The following PTCSC3 variants were observed in gnomAD, a reference collection of about 807,000 sequenced individuals.
PTCSC3 encodes the protein papillary thyroid carcinoma susceptibility candidate 3 (non-protein coding).
At chr14:36,145,547 CTCTT>C (rs1197345882) in intron 3 of PTCSC3, among the ~76,000 whole-genome samples, 2 of 143,250 alleles carry the variant, frequency 1.4e-5, no homozygotes, top group Non-Finnish European at 3.0e-5. Context: ...TGATTCTTCT[CTCTT>C]TTTTTCTTTA....
chr14:36,162,282 A>ACAAAAAAAAAAAC lies in PTCSC3; in HGVS notation n.231+341_231+342insGTTTTTTTTTTTG, dbSNP rs1243131267. Among the ~76,000 whole-genome samples, 7 of 128,036 alleles carry ACAAAAAAAAAAAC rather than the reference A, an allele frequency of 5.5e-5. No homozygotes were observed. In the South Asian group the frequency reaches 1.6e-3, roughly 29 times the overall value. 84.0% of individuals were successfully genotyped at this position (128,036 alleles called of 152,430 possible). Reference sequence around the variant, plus strand: ...GGAAAAAAAAAAAAAAAAAAAAAAAAAAACTCCTGCAGCCAGCTCAGTGTC... The same window carrying ACAAAAAAAAAAAC: ...GGAAAAAAAAAAAAAAAAAAAAAAAACAAAAAAAAAAACAAACTCCTGCAGCCAGCTCAGTGTC... On this transcript the variant is annotated intron_variant and non_coding_transcript_variant, in intron 2 of 3. Coordinates refer to ENST00000556013, the Ensembl canonical transcript of PTCSC3.
At chr14:36,148,553 GC>G (rs1191766118) in intron 3 of PTCSC3, among the ~76,000 whole-genome samples, 4 of 152,178 alleles carry the variant, frequency 2.6e-5, no homozygotes, top group Non-Finnish European at 1.5e-5. Context: ...ACTGACCTGT[GC>G]CCACTGTCTG....
Position 36,166,105 on chromosome 14 carries a change from A to G in PTCSC3, n.172-3422T>C, listed in dbSNP as rs115155903. Among the ~76,000 whole-genome samples, 380 of 152,214 alleles carry G rather than the reference A, an allele frequency of 2.5e-3. 1 individual carries two copies. The highest frequency in any genetic ancestry group is 8.7e-3 in the African/African-American group (362 of 41,484). On this transcript the variant is annotated intron_variant and non_coding_transcript_variant, in intron 1 of 3. Coordinates refer to ENST00000556013, the Ensembl canonical transcript of PTCSC3. The stretch of plus-strand genomic sequence containing the variant: ...TCAGCCAGGATTAATGATCAGTTCA[A>G]AAGTCTTCATATTGTTTTGTCCATC...
chr14:36,135,871 A>ATGTG (rs1485680056), downstream of PTCSC3, among the ~76,000 whole-genome samples: 8 of 151,030 alleles, frequency 5.3e-5, no homozygotes, highest in African/African-American at 1.9e-4. Context: ...AGATATATAT[A>ATGTG]TATATGTGTG....
At chr14:36,144,172 G>A (rs933560693) in intron 3 of PTCSC3, among the ~76,000 whole-genome samples, 1 of 151,796 alleles carries the variant, frequency 6.6e-6, no homozygotes, top group African/African-American at 2.4e-5. Flanking sequence ...GAACTTTAAA[G>A]TAGTTTTTTC....
At chr14:36,173,353 C>T (rs1882222953) in intron 1 of PTCSC3, among the ~76,000 whole-genome samples, 1 of 152,098 alleles carries the variant, frequency 6.6e-6, no homozygotes, top group Non-Finnish European at 1.5e-5. Context: ...AGGCAATCAA[C>T]ACTGTAACTC....
At chr14:36,150,752 C>T (rs895338165) in intron 3 of PTCSC3, among the ~76,000 whole-genome samples, 3 of 152,108 alleles carry the variant, frequency 2.0e-5, no homozygotes, top group African/African-American at 4.8e-5. Context: ...TCTAAGTTCA[C>T]TATCAAATAA....
intron 3 of PTCSC3, among the ~76,000 whole-genome samples, chr14:36,150,282 T>TATTATAAA (rs1881691520): frequency 1.3e-5 from 2 of 152,166 alleles, no homozygotes; most frequent in Non-Finnish European, 2.9e-5. Context: ...AGAGCCCTCA[T>TATTATAAA]GAATGGTATT....
chr14:36,147,371 C>CT (rs1371414607), intron 3 of PTCSC3, among the ~76,000 whole-genome samples: 1 of 152,038 alleles, frequency 6.6e-6, no homozygotes, highest in African/African-American at 2.4e-5. Context: ...TCTTTTTATT[C>CT]TTTTTTCTCT....
chr14:36,150,265 T>A (rs564967244), intron 3 of PTCSC3, among the ~76,000 whole-genome samples: 73 of 152,292 alleles, frequency 4.8e-4, no homozygotes, highest in African/African-American at 1.7e-3. Context: ...TGTTGAGTTA[T>A]GAGGGTAGAG....
At chr14:36,139,227 G>A (rs1247432191) in intron 3 of PTCSC3, among the ~76,000 whole-genome samples, 1 of 151,582 alleles carries the variant, frequency 6.6e-6, no homozygotes, top group Non-Finnish European at 1.5e-5. Flanking sequence ...AACAATTGAA[G>A]GTAATTGTGG....
At chr14:36,167,443 A>G (rs1882111162) in intron 1 of PTCSC3, among the ~76,000 whole-genome samples, 1 of 152,192 alleles carries the variant, frequency 6.6e-6, no homozygotes, top group African/African-American at 2.4e-5. Flanking sequence ...AATTTTATTT[A>G]CAAAGAAGAC....
intron 2 of PTCSC3, among the ~76,000 whole-genome samples, chr14:36,160,646 G>GC (rs35354335): frequency 0.61 from 93,102 of 151,744 alleles, 29,410 homozygotes; most frequent in Middle Eastern, 0.69. Flanking sequence ...CTCTCTGGCT[G>GC]CCTTAAGATT....
At chr14:36,163,900 G>T (rs998751501) in intron 1 of PTCSC3, among the ~76,000 whole-genome samples, 3 of 152,166 alleles carry the variant, frequency 2.0e-5, no homozygotes, top group African/African-American at 7.2e-5. Context: ...CCTATAGTCA[G>T]ACATGACCTC....
intron 2 of PTCSC3, among the ~76,000 whole-genome samples, chr14:36,160,306 A>C (rs919011351): frequency 1.3e-5 from 2 of 152,176 alleles, no homozygotes; most frequent in Non-Finnish European, 2.9e-5. Context: ...TAATTGATGC[A>C]GTTTCTTCAT....
rs368544629 is a variant in PTCSC3, at chr14:36,164,615, G to A, written n.172-1932C>T. On this transcript the variant is annotated intron_variant and non_coding_transcript_variant, in intron 1 of 3. Coordinates refer to ENST00000556013, the Ensembl canonical transcript of PTCSC3. The stretch of plus-strand genomic sequence containing the variant: ...TTTATTTTTTATAAAACAACTATCC[G>A]TACTTGGACATTTACAGATTCTCAG... 7.9e-5 allele frequency among the ~76,000 whole-genome samples: 12 copies of A among 151,774 alleles called. No homozygotes were observed. The South Asian group carries it at 1.0e-3, about 13-fold the overall frequency.
chr14:36,172,034 A>G (rs904567422), intron 1 of PTCSC3, among the ~76,000 whole-genome samples: 1 of 152,204 alleles, frequency 6.6e-6, no homozygotes, highest in African/African-American at 2.4e-5. Flanking sequence ...CTAATCAGAA[A>G]GATGACAACT....
At chr14:36,143,814 C>A (rs1160527598) in intron 3 of PTCSC3, among the ~76,000 whole-genome samples, 9 of 143,946 alleles carry the variant, frequency 6.3e-5, no homozygotes, top group Non-Finnish European at 1.2e-4. Flanking sequence ...AGTCTTTAAT[C>A]CATCTTGAAT....
intron 2 of PTCSC3, among the ~76,000 whole-genome samples, chr14:36,156,135 C>T (rs556171881): frequency 6.6e-6 from 1 of 152,120 alleles, no homozygotes; most frequent in Non-Finnish European, 1.5e-5. Context: ...GTGGGTTCTG[C>T]CTGGTAAGTT....
Sources: gnomAD v4.1 joint callset for allele counts (sites outside exome capture counted in the v4.1 genomes callset) on GRCh38, gnomAD v4.1.1 for gene constraint, MANE v1.5 for transcripts, NCBI Gene and HGNC (gene_info 2026-07-23, HGNC 2026-07-21) for gene names.